The following FBXO32 variants were observed in gnomAD, a reference collection of about 807,000 sequenced individuals.
FBXO32 encodes F-box only protein 32.
A neutral mutation model predicts 48.3 loss-of-function variants in FBXO32; 15 were observed. The ratio of observed to expected loss-of-function variants is 0.31; its 90% CI spans 0.21 to 0.48. The LOEUF (loss-of-function observed/expected upper bound fraction) is 0.48, where lower values mean the gene tolerates loss of function less well. Among genes scored for constraint, FBXO32 ranks in the 20% least tolerant of loss-of-function variants. FBXO32 has a pLI of 0.99. For synonymous variants in FBXO32, 154 were observed against 165.9 expected (o/e 0.93, Z 0.55); for missense variants, 309 against 432.7 (o/e 0.71, Z 2.54).
At chr8:123,505,629 G>C (rs1816601195) in intron 7 of FBXO32, among the ~76,000 whole-genome samples, 1 of 152,172 alleles carries the variant, frequency 6.6e-6, no homozygotes, top group Middle Eastern at 3.2e-3. Flanking sequence ...CCAGCTACTT[G>C]GGAGGCTGAG....
chr8:123,500,390 TG>T lies in FBXO32; in HGVS notation c.*2982del, dbSNP rs1418451795. 6.6e-6 allele frequency: 1 copy of T among 152,216 alleles called. No homozygotes were observed. Among genetic ancestry groups the T allele is most frequent in the East Asian group, 1.9e-4 (1 of 5,204 alleles). 9.4% of individuals were successfully genotyped at this position (152,216 alleles called of 1,614,324 possible). ...AAATTCTGTTTTACAGGGTTTAGGATGGGGGTAGGTAGGCACAGGAAAGAGA... is the reference window on the plus strand; with the variant it reads ...AAATTCTGTTTTACAGGGTTTAGGATGGGGTAGGTAGGCACAGGAAAGAGA... On this transcript the variant is annotated 3_prime_UTR_variant, in exon 9 of 9. Coordinates refer to ENST00000517956, the MANE Select transcript of FBXO32 (RefSeq NM_058229.4).
Position 123,513,685 on chromosome 8 carries a change from T to G in FBXO32, c.467-303A>C, listed in dbSNP as rs1245430045. Among the ~76,000 whole-genome samples the G allele has an allele frequency of 6.6e-6, 1 of 152,142 alleles. No individual in the cohort carries two copies. Among genetic ancestry groups the G allele is most frequent in the Non-Finnish European group, 1.5e-5 (1 of 68,030 alleles). On this transcript the variant is annotated intron_variant, in intron 5 of 8. Coordinates refer to ENST00000517956, the MANE Select transcript of FBXO32 (RefSeq NM_058229.4). This position sits in a 1 kb window ranked among gnomAD's most constrained non-coding sequence, Gnocchi z 4.3. Reference sequence around the variant, plus strand: ...GTTCACCTGATCAGAAAGCCACTCCTTTTGCCCAGAAGTGACCCCGTTTAG... The same window carrying G: ...GTTCACCTGATCAGAAAGCCACTCCGTTTGCCCAGAAGTGACCCCGTTTAG...
At chr8:123,533,883 T>C (rs1333187799) in intron 2 of FBXO32, among the ~76,000 whole-genome samples, 1 of 149,310 alleles carries the variant, frequency 6.7e-6, no homozygotes, top group African/African-American at 2.5e-5. Context: ...GCTTGAGCCC[T>C]GGAGTTTGAG....
intron 4 of FBXO32, among the ~76,000 whole-genome samples, chr8:123,523,627 A>AACAAC (rs1421762695): frequency 1.8e-4 from 24 of 131,144 alleles, no homozygotes; most frequent in African/African-American, 6.2e-4. Flanking sequence ...CAACAACAAC[A>AACAAC]AACAAACAAA....
At chr8:123,520,196 CT>C (rs1219068416) in intron 4 of FBXO32, among the ~76,000 whole-genome samples, 1 of 152,206 alleles carries the variant, frequency 6.6e-6, no homozygotes, top group African/African-American at 2.4e-5. Flanking sequence ...TTCTTTGCCC[CT>C]AGCCACAAGA....
Position 123,503,461 on chromosome 8 carries a change from C to A in FBXO32, c.980G>T (p.Gly327Val), listed in dbSNP as rs778968335. 6 of 1,613,648 alleles carry A rather than the reference C, an allele frequency of 3.7e-6. No homozygotes were observed. The Admixed American group carries it at 1.0e-4, about 27-fold the overall frequency. The change falls in exon 9 of 9, where the codon GGC (glycine) becomes GTC (valine). Residue 327 changes from glycine to valine, a missense_variant and splice_region_variant. Gly to Val is a moderately radical substitution (Grantham distance 109). Coordinates refer to ENST00000517956, the MANE Select transcript of FBXO32 (RefSeq NM_058229.4). ...CKHCHILSWKGTDHPCTANNP... is the reference protein window; with the variant it reads ...CKHCHILSWKVTDHPCTANNP... ...ATTGGCAGTGCACGGATGGTCAGTG[C>A]CCTGGAAAGGAACACATGGTTAGCT... is the stretch of plus-strand genomic sequence containing the variant.
chr8:123,519,950 G>T lies in FBXO32; in HGVS notation c.373-5617C>A, dbSNP rs1816917614. 1.3e-5 allele frequency among the ~76,000 whole-genome samples: 2 copies of T among 152,102 alleles called. 1 individual carries two copies. Among genetic ancestry groups the T allele is most frequent in the Non-Finnish European group, 2.9e-5 (2 of 68,024 alleles). ...TTACAGGCACCCGCCACCACACCTG[G>T]ATAATTTTTGTATTTTTAGTAGAGA... On this transcript the variant is annotated intron_variant, in intron 4 of 8. Transcript: ENST00000517956.
Position 123,503,125 on chromosome 8 carries a change from T to C in FBXO32, c.*248A>G, listed in dbSNP as rs1182565600. On this transcript the variant is annotated 3_prime_UTR_variant, in exon 9 of 9. Transcript: ENST00000517956. The stretch of plus-strand genomic sequence containing the variant: ...TTGCCCTTATAGTCTTGCTGGCAAA[T>C]TGTTAGAAAAAAAGTTTATTTACAG... 1 of 332,024 alleles carries C rather than the reference T, an allele frequency of 3.0e-6. No individual in the cohort carries two copies. Among genetic ancestry groups the C allele is most frequent in the East Asian group, 5.7e-5 (1 of 17,536 alleles). 20.6% of individuals were successfully genotyped at this position (332,024 alleles called of 1,614,324 possible).
chr8:123,532,176 A>G (rs1587002606), intron 3 of FBXO32, 186 bp from the exon 4 acceptor site: 2 of 1,373,004 alleles, frequency 1.5e-6, no homozygotes, highest in Admixed American at 3.4e-5. Flanking sequence ...GATGGGTAAC[A>G]CAGCCAGCAG....
rs1473005023 is a variant in FBXO32, at chr8:123,525,043, C to T, written c.372+6855G>A. On this transcript the variant is annotated intron_variant, in intron 4 of 8. Transcript: ENST00000517956. This position sits in a 1 kb window ranked among gnomAD's most constrained non-coding sequence, Gnocchi z 4.3. ...GCCAGGATGCTGATGCACATCAAGG[C>T]CCAGCAGGGGCTTGGCAACAGCATG... Among the ~76,000 whole-genome samples the T allele has an allele frequency of 1.3e-5, 2 of 152,224 alleles. No individual in the cohort carries two copies. The highest frequency in any genetic ancestry group is 2.9e-5 in the Non-Finnish European group (2 of 68,032).
At chr8:123,539,198 A>T (rs57111244) in intron 1 of FBXO32, among the ~76,000 whole-genome samples, 1 of 151,940 alleles carries the variant, frequency 6.6e-6, no homozygotes, top group African/African-American at 2.4e-5. Context: ...TCTGTTCTCC[A>T]CTGAGGAGCA....
Position 123,532,159 on chromosome 8 carries a change from C to A in FBXO32, c.280-169G>T, listed in dbSNP as rs1817223703. Reference sequence around the variant, plus strand: ...TCCTGTACCCACAAGCCCTTGAGAGCCACCAAGATGGGTAACACAGCCAGC... The same window carrying A: ...TCCTGTACCCACAAGCCCTTGAGAGACACCAAGATGGGTAACACAGCCAGC... On this transcript the variant is annotated intron_variant, in intron 3 of 8. Coordinates refer to ENST00000517956, the MANE Select transcript of FBXO32 (RefSeq NM_058229.4). The A allele has an allele frequency of 5.8e-6, 8 of 1,391,070 alleles. No homozygotes were observed. In the Admixed American group the frequency reaches 2.6e-4, roughly 45 times the overall value. 86.2% of individuals were successfully genotyped at this position (1,391,070 alleles called of 1,614,324 possible).
chr8:123,539,468 A>G (rs7821824), intron 1 of FBXO32, among the ~76,000 whole-genome samples: 20,027 of 152,132 alleles, frequency 0.13, 1,477 homozygotes, highest in Admixed American at 0.15. Context: ...AAATTACTTG[A>G]TTTTACGTAA....
chr8:123,519,566 A>AAAT (rs1480007235), intron 4 of FBXO32, among the ~76,000 whole-genome samples: 1 of 151,160 alleles, frequency 6.6e-6, no homozygotes, highest in Non-Finnish European at 1.5e-5. Flanking sequence ...AAAAAAAAAA[A>AAAT]AAGAAATTTT....
At chr8:123,519,837 G>T (rs758431688) in intron 4 of FBXO32, among the ~76,000 whole-genome samples, 47 of 152,196 alleles carry the variant, frequency 3.1e-4, no homozygotes, top group Non-Finnish European at 5.6e-4. Context: ...GCCCAGGCTG[G>T]AGTGTAATGG....
chr8:123,518,854 C>T (rs1473638123), intron 4 of FBXO32, among the ~76,000 whole-genome samples: 3 of 152,234 alleles, frequency 2.0e-5, no homozygotes, highest in Admixed American at 2.0e-4. Context: ...CAAAGTCTCA[C>T]TCTGTCACCT....
chr8:123,537,680 G>A (rs117766100), intron 1 of FBXO32, among the ~76,000 whole-genome samples: 4 of 152,106 alleles, frequency 2.6e-5, no homozygotes, highest in African/African-American at 7.2e-5. Flanking sequence ...GCTAGCACCC[G>A]GAATGCTCTG....
chr8:123,523,599 AAACAACAAC>A (rs143361308), intron 4 of FBXO32, among the ~76,000 whole-genome samples: 16 of 146,640 alleles, frequency 1.1e-4, no homozygotes, highest in South Asian at 2.1e-4. Context: ...AAAACAAAAC[AAACAACAAC>A]AACAACAACA....
In FBXO32 at chr8:123,521,341, TGCTATAGATGAGGTG is replaced by T. The variant is rs1158836596; in HGVS notation, c.373-7023_373-7009del. ...GAAACAGTTTACCCGAATTTCCTCC[TGCTATAGATGAGGTG>T]GCTCATGATGGCCAAATGACACATC... is the stretch of plus-strand genomic sequence containing the variant. On this transcript the variant is annotated intron_variant, in intron 4 of 8. Coordinates refer to ENST00000517956, the MANE Select transcript of FBXO32 (RefSeq NM_058229.4). Among the ~76,000 whole-genome samples the T allele has an allele frequency of 2.6e-5, 4 of 152,326 alleles. No homozygotes were observed. The South Asian group carries it at 6.2e-4, about 24-fold the overall frequency.
Sources: gnomAD v4.1 joint callset for allele counts (sites outside exome capture counted in the v4.1 genomes callset) on GRCh38, gnomAD v4.1.1 for gene constraint, Gnocchi (gnomAD v3.1) non-coding constraint, MANE v1.5 for transcripts, NCBI Gene and HGNC (gene_info 2026-07-23, HGNC 2026-07-21) for gene names.